RAB11FIP3: variants seen among roughly 807,000 people sequenced by gnomAD.
RAB11FIP3 encodes the protein rab11 family-interacting protein 3.
RAB11FIP3 carries 17 observed loss-of-function variants against 77.8 expected under a neutral mutation model. That is an observed-to-expected ratio of 0.22 (90% CI 0.15 to 0.33). RAB11FIP3 has a LOEUF of 0.33. Among genes scored for constraint, RAB11FIP3 ranks in the 10% least tolerant of loss-of-function variants. RAB11FIP3 has a pLI of 1.00. For synonymous variants in RAB11FIP3, 437 were observed against 448.2 expected (o/e 0.98, Z 0.31); for missense variants, 1,005 against 1,011.2 (o/e 0.99, Z 0.08).
chr16:462,931 C>T (rs1170490268), intron 2 of RAB11FIP3, among the ~76,000 whole-genome samples: 1 of 152,214 alleles, frequency 6.6e-6, no homozygotes, highest in Non-Finnish European at 1.5e-5. Flanking sequence ...CAGCACGATC[C>T]GTTGCGTGCT....
chr16:440,977 G>A (rs1307926567), intron 1 of RAB11FIP3, among the ~76,000 whole-genome samples: 1 of 151,070 alleles, frequency 6.6e-6, no homozygotes. Context: ...GTCTCGCTTT[G>A]TCGCCCAGGG....
intron 6 of RAB11FIP3, chr16:497,297 T>C (rs2301487): frequency 0.048 from 62,020 of 1,304,106 alleles, 2,678 homozygotes; most frequent in East Asian, 0.33. Flanking sequence ...TCCAGCTTCG[T>C]ATAGATCTGT....
chr16:442,209 C>G (rs1002982580), intron 1 of RAB11FIP3, among the ~76,000 whole-genome samples: 9 of 152,174 alleles, frequency 5.9e-5, no homozygotes, highest in Non-Finnish European at 7.3e-5. Context: ...TTTATAGGCT[C>G]TGTCACAGTC....
Position 437,892 on chromosome 16 carries a change from C to T in RAB11FIP3, c.714+11172C>T, listed in dbSNP as rs562905049. 7.4e-4 allele frequency among the ~76,000 whole-genome samples: 112 copies of T among 151,916 alleles called. 1 individual carries two copies. The highest frequency in any genetic ancestry group is 2.8e-3 in the Admixed American group (42 of 15,256). On this transcript the variant is annotated intron_variant, in intron 1 of 13. Transcript: ENST00000262305. ...ATTCTTGGCCCATACCCACTGCAAC[C>T]TCTGCCTCCTGGGTTCAAGTGATTC...
At chr16:515,961 C>A (rs1344639018) in intron 9 of RAB11FIP3, among the ~76,000 whole-genome samples, 1 of 152,210 alleles carries the variant, frequency 6.6e-6, no homozygotes, top group Non-Finnish European at 1.5e-5. Context: ...AGTGGCACCA[C>A]CGAGCGCCCG....
At chr16:458,455 CCGA>C (rs2141637661) in intron 1 of RAB11FIP3, among the ~76,000 whole-genome samples, 2 of 77,836 alleles carry the variant, frequency 2.6e-5, no homozygotes, top group African/African-American at 3.7e-5. Flanking sequence ...CTCGGGTTCA[CCGA>C]TGCCCACAGG....
intron 3 of RAB11FIP3, among the ~76,000 whole-genome samples, chr16:475,607 G>T (rs1456230018): frequency 1.3e-5 from 2 of 152,214 alleles, no homozygotes; most frequent in Non-Finnish European, 1.5e-5. Flanking sequence ...GCTGAATTGG[G>T]AAGTGAGCAG....
At chr16:487,020 A>C (rs560209831) in intron 4 of RAB11FIP3, among the ~76,000 whole-genome samples, 3 of 152,178 alleles carry the variant, frequency 2.0e-5, no homozygotes, top group African/African-American at 7.2e-5. Context: ...GAAGGGAGCC[A>C]CACCTCCCTG....
intron 5 of RAB11FIP3, among the ~76,000 whole-genome samples, chr16:493,718 T>C (rs1219104849): frequency 2.6e-5 from 4 of 151,316 alleles, no homozygotes; most frequent in East Asian, 1.9e-4. Flanking sequence ...TCCATTCTCC[T>C]GCCTCAGCCT....
At chr16:452,831 T>C (rs1401371405) in intron 1 of RAB11FIP3, among the ~76,000 whole-genome samples, 1 of 72,138 alleles carries the variant, frequency 1.4e-5, no homozygotes. Flanking sequence ...CTTGGCTCAC[T>C]GCAAGCTCCA....
At chr16:452,928 G>T (rs1239971299) in intron 1 of RAB11FIP3, among the ~76,000 whole-genome samples, 2 of 62,086 alleles carry the variant, frequency 3.2e-5, no homozygotes, top group Non-Finnish European at 6.3e-5. Context: ...CTAATTTTTT[G>T]TATTTTTAGT....
At position 461,028 on chromosome 16, in the gene RAB11FIP3, C is replaced by A. The variant is rs958487338; in HGVS notation, c.715-376C>A. Among the ~76,000 whole-genome samples the A allele has an allele frequency of 6.6e-6, 1 of 150,782 alleles. No individual in the cohort carries two copies. On this transcript the variant is annotated intron_variant, in intron 1 of 13. Coordinates refer to ENST00000262305, the MANE Select transcript of RAB11FIP3 (RefSeq NM_014700.4). The surrounding 1 kb of genome is among the most constrained non-coding windows in gnomAD (Gnocchi z 4.5). ...CTCGCGATACAGCCTAATCCCGATT[C>A]CCTAAAGCGGCCCGCAGCCTTCTTG...
chr16:476,969 A>G (rs1426142172), intron 3 of RAB11FIP3, among the ~76,000 whole-genome samples: 6 of 151,408 alleles, frequency 4.0e-5, no homozygotes, highest in African/African-American at 1.2e-4. Context: ...TGTGCCTGTA[A>G]TCTCAGCTAC....
intron 3 of RAB11FIP3, among the ~76,000 whole-genome samples, chr16:481,100 C>T (rs1054275290): frequency 2.8e-4 from 42 of 150,658 alleles, no homozygotes; most frequent in African/African-American, 9.1e-4. Flanking sequence ...TGAGCCATTG[C>T]GGCCAGCTGT....
chr16:494,050 C>CCTG (rs2030869741), intron 5 of RAB11FIP3, among the ~76,000 whole-genome samples: 2 of 79,452 alleles, frequency 2.5e-5, no homozygotes, highest in Non-Finnish European at 4.9e-5. Flanking sequence ...ACTACAGGCG[C>CCTG]CCATCACCAC....
At chr16:439,174 G>C (rs905548646) in intron 1 of RAB11FIP3, 1 of 152,176 alleles carries the variant, frequency 6.6e-6, no homozygotes, top group Non-Finnish European at 1.5e-5. Flanking sequence ...GAGACTAACA[G>C]GCTAGGAAAA....
chr16:512,379 T>G (rs1347966601), intron 9 of RAB11FIP3, among the ~76,000 whole-genome samples: 2 of 151,776 alleles, frequency 1.3e-5, no homozygotes, highest in Non-Finnish European at 2.9e-5. Context: ...TAGCTGGGAC[T>G]ACAGGTGCCT....
Position 426,568 on chromosome 16 carries a change from A to G in RAB11FIP3, c.562A>G (p.Ser188Gly), listed in dbSNP as rs774150057. The G allele has an allele frequency of 6.3e-7, 1 of 1,593,552 alleles. No homozygotes were observed. Among genetic ancestry groups the G allele is most frequent in the South Asian group, 1.1e-5 (1 of 88,354 alleles). Residue 188 changes from serine to glycine, a missense_variant, in exon 1 of 14, where the codon AGC becomes GGC. Ser to Gly is a moderately conservative substitution (Grantham distance 56, BLOSUM62 0). Transcript: ENST00000262305. This position sits in a 1 kb window ranked among gnomAD's most constrained non-coding sequence, Gnocchi z 5.0. ...GTCCCCGCCGCAGCCCTCGGACCTC[A>G]GCCAGACCCACCCCCTTCCGAGCGA... ...PGSPPQPSDL[S>G]QTHPLPSEPV...
At chr16:429,517 A>G (rs903970087) in intron 1 of RAB11FIP3, among the ~76,000 whole-genome samples, 2 of 146,664 alleles carry the variant, frequency 1.4e-5, no homozygotes, top group African/African-American at 5.1e-5. Context: ...TTTTTTTGAG[A>G]TGGAGTCTCG....
Sources: gnomAD v4.1 joint callset for allele counts (sites outside exome capture counted in the v4.1 genomes callset) on GRCh38, gnomAD v4.1.1 for gene constraint, Gnocchi (gnomAD v3.1) non-coding constraint, MANE v1.5 for transcripts, NCBI Gene and HGNC (gene_info 2026-07-23, HGNC 2026-07-21) for gene names.